SH3PXD2B: variants seen among roughly 807,000 people sequenced by gnomAD.
The protein encoded by SH3PXD2B is SH3 and PX domains 2B.
In SH3PXD2B, 37 loss-of-function variants were observed where a neutral mutation model predicts 73.1. The observed-to-expected ratio is 0.51, with a 90% CI of 0.39 to 0.67. The LOEUF is 0.67. Ranked by LOEUF, SH3PXD2B falls within the 30% of genes least tolerant of loss-of-function variation. The pLI is 0.00. For synonymous variants in SH3PXD2B, 457 were observed against 480.5 expected, an observed-to-expected ratio of 0.95 and a Z score of 0.64; for missense variants, 1,053 against 1,197.8, an observed-to-expected ratio of 0.88 and a Z score of 1.78.
chr5:172,347,173 G>T, intron 11 of SH3PXD2B, 110 bp downstream of exon 11: 1 of 1,088,998 alleles, frequency 9.2e-7, no homozygotes, highest in Non-Finnish European at 1.4e-6. Context: ...CTGTTGTGTG[G>T]ACAGGAAAGA....
At chr5:172,437,221 G>C (rs1759412947) in intron 1 of SH3PXD2B, among the ~76,000 whole-genome samples, 2 of 152,198 alleles carry the variant, frequency 1.3e-5, no homozygotes, top group South Asian at 4.1e-4. Flanking sequence ...CCACGGGCTT[G>C]ACTAATGGGA....
chr5:172,378,099 T>C (rs1345036601), intron 5 of SH3PXD2B, among the ~76,000 whole-genome samples: 1 of 152,212 alleles, frequency 6.6e-6, no homozygotes, highest in Non-Finnish European at 1.5e-5. Flanking sequence ...CCTCCGGGAC[T>C]TCCCACCTCC....
chr5:172,338,676 T>G lies in SH3PXD2B; in HGVS notation c.2429A>C (p.Asn810Thr), dbSNP rs1407695766. The part of the protein sequence containing the change: ...VPPKAKPFLS[N>T]SLGGQDDTRG... ...CGTGTCATCCTGGCCCCCCAAAGAG[T>G]TGGAGAGAAAAGGTTTGGCTTTTGG... The change falls in exon 13 of 13, where the codon AAC becomes ACC. Residue 810 changes from asparagine to threonine, a missense_variant. This residue lies in a region of SH3PXD2B where 587 missense variants were observed against 590.7 expected (regional missense o/e 0.99). Transcript: ENST00000311601. The surrounding 1 kb of genome is among the most constrained non-coding windows in gnomAD (Gnocchi z 5.1). 3 of 1,613,744 alleles carry G rather than the reference T, an allele frequency of 1.9e-6. No homozygotes were observed. Among genetic ancestry groups the G allele is most frequent in the East Asian group, 4.5e-5 (2 of 44,870 alleles).
At position 172,339,087 on chromosome 5, in the gene SH3PXD2B, G is replaced by A. The variant is rs571908508; in HGVS notation, c.2018C>T (p.Ala673Val). 1.7e-4 allele frequency: 277 copies of A among 1,614,232 alleles called. 1 individual carries two copies. In the South Asian group the frequency reaches 3.0e-3, roughly 17 times the overall value. Residue 673 changes from alanine (A) to valine (V), a missense_variant, in exon 13 of 13, where the codon GCC (alanine) becomes GTC (valine). Coordinates refer to ENST00000311601, the MANE Select transcript of SH3PXD2B (RefSeq NM_001017995.3). This position sits in a 1 kb window ranked among gnomAD's most constrained non-coding sequence, Gnocchi z 6.1. ...ICNLRSKLRP[A>V]KSQDKSLLDG... ...CAACAAGGACTTGTCTTGGGACTTG[G>A]CAGGCCTGAGCTTACTCCTGAGGTT...
At position 172,335,848 on chromosome 5, in the gene SH3PXD2B, A is replaced by G; in HGVS notation, c.*2521T>C. On this transcript the variant is annotated 3_prime_UTR_variant, in exon 13 of 13. Coordinates refer to ENST00000311601, the MANE Select transcript of SH3PXD2B (RefSeq NM_001017995.3). ...GGATACAGACGTCCTCAGGCCATAG[A>G]TATGACTCAAGGAGAGAACAGTGAA... 1 of 1,227,226 alleles carries G rather than the reference A, an allele frequency of 8.1e-7. No individual in the cohort carries two copies. The highest frequency in any genetic ancestry group is 1.0e-6 in the Non-Finnish European group (1 of 985,736). 76.0% of individuals were successfully genotyped at this position (1,227,226 alleles called of 1,614,324 possible). A position where few individuals can be genotyped will look rare whatever the true frequency, so the allele number is the denominator to read the frequency against.
chr5:172,410,164 G>A (rs2113438905), intron 2 of SH3PXD2B, among the ~76,000 whole-genome samples: 1 of 152,330 alleles, frequency 6.6e-6, no homozygotes, highest in East Asian at 1.9e-4. Flanking sequence ...ATGCCTAGTG[G>A]TGGGATTGCT....
rs769305311 is a variant in SH3PXD2B, at chr5:172,362,802, C to A, written c.495G>T (p.Lys165Asn). 6.2e-7 allele frequency: 1 copy of A among 1,614,158 alleles called. No homozygotes were observed. Among genetic ancestry groups the A allele is most frequent in the South Asian group, 1.1e-5 (1 of 91,078 alleles). The stretch of plus-strand genomic sequence containing the variant: ...TGAGGCTGATCTCCGAACTCTCCTG[C>A]TTCTGGTAGTTGGCTACCACCACAT... ...EQYVVVANYQ[K>N]QESSEISLSV... The change falls in exon 7 of 13, where the codon AAG (lysine) becomes AAT (asparagine). Residue 165 changes from lysine (K) to asparagine (N), a missense_variant. Around this residue, in one of 2 missense-constraint regions of SH3PXD2B, gnomAD observed 466 missense variants for 607.1 expected, o/e 0.77. Coordinates refer to ENST00000311601, the MANE Select transcript of SH3PXD2B (RefSeq NM_001017995.3).
In SH3PXD2B at chr5:172,445,924, G is replaced by A. The variant is rs185738936; in HGVS notation, c.75+8354C>T. 4.6e-5 allele frequency among the ~76,000 whole-genome samples: 7 copies of A among 152,340 alleles called. No individual in the cohort carries two copies. Among genetic ancestry groups the A allele is most frequent in the African/African-American group, 4.8e-5 (2 of 41,584 alleles). On this transcript the variant is annotated intron_variant, in intron 1 of 12. Coordinates refer to ENST00000311601, the MANE Select transcript of SH3PXD2B (RefSeq NM_001017995.3). The surrounding 1 kb of genome is among the most constrained non-coding windows in gnomAD (Gnocchi z 5.2). ...GGGGCAGAGGCCGATGGCTTGTGGCGGAGCTCAGGTCCGCAGGCTTCTGCA... is the reference window on the plus strand; with the variant it reads ...GGGGCAGAGGCCGATGGCTTGTGGCAGAGCTCAGGTCCGCAGGCTTCTGCA...
At chr5:172,443,782 G>A (rs900470350) in intron 1 of SH3PXD2B, among the ~76,000 whole-genome samples, 6 of 152,240 alleles carry the variant, frequency 3.9e-5, no homozygotes, top group African/African-American at 1.4e-4. Context: ...CACAGCGGGC[G>A]GGGGGCCATG....
At chr5:172,387,297 A>G (rs1360863904) in intron 4 of SH3PXD2B, among the ~76,000 whole-genome samples, 1 of 152,240 alleles carries the variant, frequency 6.6e-6, no homozygotes, top group East Asian at 1.9e-4. Context: ...GGTGCAAGTG[A>G]AAGACTCTAA....
At chr5:172,358,036 A>ATC (rs769070663) in intron 8 of SH3PXD2B, among the ~76,000 whole-genome samples, 80 of 152,176 alleles carry the variant, frequency 5.3e-4, no homozygotes, top group Non-Finnish European at 1.0e-3. Context: ...GTCCTATGAT[A>ATC]TAGATATCAT....
chr5:172,454,336 C>T lies in SH3PXD2B; in HGVS notation c.17G>A (p.Ser6Asn). The T allele has an allele frequency of 6.5e-7, 1 of 1,541,154 alleles. No homozygotes were observed. Among genetic ancestry groups the T allele is most frequent in the Non-Finnish European group, 8.7e-7 (1 of 1,147,694 alleles). Residue 6 changes from serine (S) to asparagine (N), a missense_variant, in exon 1 of 13, where the codon AGC (serine) becomes AAC (asparagine). Ser to Asn is a conservative substitution (Grantham distance 46). Transcript: ENST00000311601. ...GTCTAGCACCTTCACCTCCACGATG[C>T]TGCGCCGCGGCGGCATGGCCGCTCC... MPPRR[S>N]IVEVKVLDVQ... is the part of the protein sequence containing the mutation.
intron 1 of SH3PXD2B, among the ~76,000 whole-genome samples, chr5:172,439,684 ACG>A (rs1183752755): frequency 9.0e-4 from 93 of 103,280 alleles, no homozygotes; most frequent in Middle Eastern, 4.7e-3. Flanking sequence ...GCGTGCGCGC[ACG>A]CGCGCGCACA....
chr5:172,365,859 G>C (rs988621359), intron 6 of SH3PXD2B, among the ~76,000 whole-genome samples: 1 of 151,768 alleles, frequency 6.6e-6, no homozygotes, highest in Non-Finnish European at 1.5e-5. Context: ...CTGGTCACTA[G>C]ACTCACTCTT....
intron 2 of SH3PXD2B, among the ~76,000 whole-genome samples, chr5:172,409,878 G>T (rs1335346311): frequency 1.3e-5 from 2 of 152,100 alleles, no homozygotes; most frequent in African/African-American, 4.8e-5. Context: ...ACCACACCTG[G>T]CTAATTTTTG....
intron 4 of SH3PXD2B, among the ~76,000 whole-genome samples, chr5:172,390,089 A>G (rs1337790139): frequency 1.3e-5 from 2 of 152,248 alleles, no homozygotes; most frequent in African/African-American, 4.8e-5. Flanking sequence ...AGTGCACAAT[A>G]TCAATGTTAT....
chr5:172,363,917 C>G (rs1757452343), intron 6 of SH3PXD2B, among the ~76,000 whole-genome samples: 1 of 152,072 alleles, frequency 6.6e-6, no homozygotes, highest in African/African-American at 2.4e-5. Flanking sequence ...GAGAATGGAT[C>G]AGAGGTTGGC....
chr5:172,402,219 T>C (rs1758434486), intron 3 of SH3PXD2B, among the ~76,000 whole-genome samples: 1 of 152,286 alleles, frequency 6.6e-6, no homozygotes, highest in Admixed American at 6.5e-5. Flanking sequence ...AGCCCCAGTC[T>C]CCTGTAGCAC....
chr5:172,398,031 A>T (rs1306612959), intron 3 of SH3PXD2B, among the ~76,000 whole-genome samples: 2 of 152,170 alleles, frequency 1.3e-5, no homozygotes, highest in Non-Finnish European at 2.9e-5. Flanking sequence ...CTAAAGAAAA[A>T]CTGGAGGCTT....
Sources: gnomAD v4.1 joint callset for allele counts (sites outside exome capture counted in the v4.1 genomes callset) on GRCh38, gnomAD v4.1.1 for gene constraint, gnomAD v4.1.1 regional missense constraint, Gnocchi (gnomAD v3.1) non-coding constraint, MANE v1.5 for transcripts, NCBI Gene and HGNC (gene_info 2026-07-23, HGNC 2026-07-21) for gene names.